DMD: variants seen among roughly 807,000 people sequenced by gnomAD.
DMD encodes dystrophin.
A neutral mutation model predicts 330.1 loss-of-function variants in DMD; 63 were observed. The observed-to-expected ratio is 0.19, with a 90% CI of 0.16 to 0.24. DMD has a LOEUF of 0.24. Ranked by LOEUF, DMD falls within the 10% of genes least tolerant of loss-of-function variation. The probability of loss-of-function intolerance (pLI) is 1.00; values close to 1 mark genes in which losing one functional copy is unlikely to be tolerated. For missense variants in DMD, 3,344 were observed against 2,684.1 expected, an observed-to-expected ratio of 1.25 and a Z score of -5.43; for synonymous variants, 1,223 against 959.8, an observed-to-expected ratio of 1.27 and a Z score of -5.07.
At position 31,951,159 on chromosome X, in the gene DMD, G is replaced by GTGTATA. The variant is rs2095169670; in HGVS notation, c.6614+17179_6614+17180insTATACA. Among the ~76,000 whole-genome samples, 23 of 71,701 alleles carry GTGTATA rather than the reference G, an allele frequency of 3.2e-4. 1 individual carries two copies. The highest frequency in any genetic ancestry group is 8.0e-4 in the East Asian group (2 of 2,494). 62.3% of individuals were successfully genotyped at this position (71,701 alleles called of 115,157 possible). ...TATATATGTGTATATATATATATATGTATATATATATATATGTATATATAT... is the reference window on the plus strand; with the variant it reads ...TATATATGTGTATATATATATATATGTGTATATATATATATATATATGTATATATAT... On this transcript the variant is annotated intron_variant, in intron 45 of 78. Transcript: ENST00000357033.
intron 41 of DMD, among the ~76,000 whole-genome samples, chrX:32,326,313 A>G (rs535517527): frequency 1.5e-4 from 17 of 112,773 alleles, no homozygotes; most frequent in East Asian, 1.4e-3. Context: ...GAACTCGACT[A>G]AAAGATGGAG....
At chrX:33,216,466 GGT>G (rs1443047554), upstream of DMD, among the ~76,000 whole-genome samples, 1 of 110,803 alleles carries the variant, frequency 9.0e-6, no homozygotes, top group Non-Finnish European at 1.9e-5. Flanking sequence ...GAGGGAAGCG[GGT>G]GTGAGCTGAA....
intron 52 of DMD, among the ~76,000 whole-genome samples, chrX:31,698,077 T>C (rs1351181222): frequency 2.7e-5 from 3 of 112,374 alleles, no homozygotes; most frequent in Non-Finnish European, 5.6e-5. Flanking sequence ...CAATGAATTA[T>C]AGTTATCAAC....
intron 41 of DMD, among the ~76,000 whole-genome samples, chrX:32,322,656 T>C (rs1002024716): frequency 1.8e-5 from 2 of 111,564 alleles, no homozygotes; most frequent in Non-Finnish European, 3.8e-5. Context: ...TGTACTTCAA[T>C]AGATGGGACA....
At chrX:33,208,912 T>C (rs1249897060) in intron 1 of DMD, among the ~76,000 whole-genome samples, 2 of 111,420 alleles carry the variant, frequency 1.8e-5, no homozygotes, top group Non-Finnish European at 3.8e-5. Context: ...GAAAAACACC[T>C]GATGTTTCCA....
intron 44 of DMD, among the ~76,000 whole-genome samples, chrX:32,158,343 G>A (rs964566963): frequency 1.2e-4 from 13 of 110,319 alleles, no homozygotes; most frequent in African/African-American, 3.0e-4. Context: ...GACCAGACTC[G>A]GCAAAATAGC....
chrX:32,004,625 C>T (rs1330013618), intron 44 of DMD, among the ~76,000 whole-genome samples: 1 of 111,360 alleles, frequency 9.0e-6, no homozygotes, highest in Non-Finnish European at 1.9e-5. Flanking sequence ...TGAACATGTC[C>T]ATCAGAGTTG....
intron 43 of DMD, among the ~76,000 whole-genome samples, chrX:32,273,647 C>T (rs889924961): frequency 1.8e-5 from 2 of 110,934 alleles, no homozygotes; most frequent in Non-Finnish European, 3.8e-5. Flanking sequence ...GCAGCTCCCA[C>T]GAAACTTCCC....
chrX:32,039,874 G>C (rs1921376), intron 44 of DMD, among the ~76,000 whole-genome samples: 3,652 of 110,840 alleles, frequency 0.033, 52 homozygotes, highest in Non-Finnish European at 0.052. Context: ...TTCTTACATT[G>C]CACATTTAAG....
intron 7 of DMD, among the ~76,000 whole-genome samples, chrX:32,774,657 G>A (rs1420575509): frequency 9.0e-6 from 1 of 110,731 alleles, no homozygotes; most frequent in East Asian, 2.9e-4. Context: ...GTGCAGCATA[G>A]GGGAACCACC....
At chrX:32,901,730 C>T (rs1026077141) in intron 2 of DMD, among the ~76,000 whole-genome samples, 6 of 110,337 alleles carry the variant, frequency 5.4e-5, no homozygotes, top group East Asian at 2.8e-4. Flanking sequence ...CGCTGAATTA[C>T]GATCATATAG....
At chrX:32,338,943 T>A (rs1569558712) in intron 41 of DMD, among the ~76,000 whole-genome samples, 1 of 112,142 alleles carries the variant, frequency 8.9e-6, no homozygotes, top group Non-Finnish European at 1.9e-5. Flanking sequence ...GAACGAGATA[T>A]CTGTTGTTAA....
intron 13 of DMD, among the ~76,000 whole-genome samples, chrX:32,592,902 T>C (rs1337436753): frequency 8.9e-6 from 1 of 112,718 alleles, no homozygotes; most frequent in Non-Finnish European, 1.9e-5. Flanking sequence ...TTGTGGTACA[T>C]CTGGTCCAGC....
chrX:32,859,459 TCTCACACACA>T (rs2081888946), intron 2 of DMD, among the ~76,000 whole-genome samples: 1 of 69,581 alleles, frequency 1.4e-5, no homozygotes, highest in Non-Finnish European at 2.7e-5. Context: ...CGAAGCAAGA[TCTCACACACA>T]CACACACACA....
intron 49 of DMD, among the ~76,000 whole-genome samples, chrX:31,834,657 C>A (rs930532947): frequency 4.5e-5 from 5 of 111,324 alleles, no homozygotes; most frequent in African/African-American, 1.6e-4. Context: ...CCAGGCAGGT[C>A]TCGAACTCCT....
chrX:32,361,989 G>A (rs1012141091), intron 37 of DMD, among the ~76,000 whole-genome samples: 4 of 111,240 alleles, frequency 3.6e-5, no homozygotes, highest in Non-Finnish European at 5.7e-5. Flanking sequence ...TTCCCAAAGA[G>A]CTGAAATTCT....
At chrX:33,235,271 C>A (rs1214472575) in intron 1 of DMD, among the ~76,000 whole-genome samples, 1 of 111,624 alleles carries the variant, frequency 9.0e-6, no homozygotes, top group Non-Finnish European at 1.9e-5. Flanking sequence ...CTATGGGCTT[C>A]CTTTCTAAAA....
chrX:31,173,221 C>T (rs979220784), intron 72 of DMD, among the ~76,000 whole-genome samples: 3 of 111,030 alleles, frequency 2.7e-5, no homozygotes, highest in Non-Finnish European at 3.8e-5. Flanking sequence ...ATATGAATGT[C>T]TGGTCTAGCA....
rs192581630 is a variant in DMD, at chrX:31,165,033, T to C, written c.10553+4410A>G. ...CATTTTGGCCATCTTTTCACCATCATTGGAGACTTGCACAAAGACCTAATG... is the reference window on the plus strand; with the variant it reads ...CATTTTGGCCATCTTTTCACCATCACTGGAGACTTGCACAAAGACCTAATG... On this transcript the variant is annotated intron_variant, in intron 74 of 78. Coordinates refer to ENST00000357033, the MANE Select transcript of DMD (RefSeq NM_004006.3). 6.3e-5 allele frequency among the ~76,000 whole-genome samples: 7 copies of C among 111,911 alleles called. No homozygotes were observed. In the East Asian group the frequency reaches 1.7e-3, roughly 27 times the overall value.
Sources: allele counts gnomAD v4.1 joint callset (sites outside exome capture counted in the v4.1 genomes callset), GRCh38; gene constraint gnomAD v4.1.1; transcripts MANE v1.5; gene names NCBI Gene and HGNC (gene_info 2026-07-23, HGNC 2026-07-21).